Variants in ENO4 observed in about 807,000 individuals in gnomAD.
ENO4 encodes the protein enolase 4, also known as 2-phospho-D-glycerate hydro-lyase.
In ENO4, 53 loss-of-function variants were observed where a neutral mutation model predicts 63.2. The ratio of observed to expected loss-of-function variants is 0.84; its 90% CI spans 0.67 to 1.05. ENO4 has a LOEUF of 1.05. ENO4 is among the 50% of genes least tolerant of loss of function. The pLI, the probability that ENO4 is intolerant of heterozygous loss-of-function variation, is 0.00. For synonymous variants in ENO4, 266 were observed against 283.8 expected (o/e 0.94, Z 0.63); for missense variants, 719 against 772.0 (o/e 0.93, Z 0.81).
Position 116,860,864 on chromosome 10 carries a change from T to C in ENO4, c.705T>C (p.Ser235=). The part of the protein sequence containing the change: ...AEPVEPVLSG[S]MAIGAVSLAV... ...CTGTTGAGCCTGTACTCAGTGGCAG[T>C]ATGGCCATAGGGGCCGTGTCACTAG... The change falls in exon 5 of 14, where the codon AGT becomes AGC. Residue 235 remains serine, a synonymous_variant. Coordinates refer to ENST00000341276, the MANE Select transcript of ENO4 (RefSeq NM_001242699.2). 6.5e-7 allele frequency: 1 copy of C among 1,549,528 alleles called. No individual in the cohort carries two copies. The highest frequency in any genetic ancestry group is 1.2e-5 in the South Asian group (1 of 83,896).
At chr10:116,905,160 C>T (rs1248353335) in intron 10 of ENO4, among the ~76,000 whole-genome samples, 3 of 150,002 alleles carry the variant, frequency 2.0e-5, no homozygotes, top group Non-Finnish European at 3.0e-5. Context: ...CGAGATTGCG[C>T]CACTGCAGTC....
At chr10:116,871,451 T>A (rs918119791) in intron 9 of ENO4, among the ~76,000 whole-genome samples, 159 bp downstream of exon 9, 2 of 152,210 alleles carry the variant, frequency 1.3e-5, no homozygotes, top group Non-Finnish European at 2.9e-5. Flanking sequence ...GAAAACCAAA[T>A]TAGCTAATGA....
chr10:116,885,356 T>G (rs1031329057), downstream of ENO4: 2 of 149,708 alleles, frequency 1.3e-5, no homozygotes, highest in Non-Finnish European at 3.0e-5. Flanking sequence ...GCTGCATAAG[T>G]TTTTTTTTTA....
downstream of ENO4, chr10:116,884,085 C>A: frequency 5.3e-6 from 2 of 374,316 alleles, no homozygotes; most frequent in African/African-American, 2.1e-5. Context: ...CAGAAGGAAG[C>A]ATAAATAACC....
At position 116,852,044 on chromosome 10, in the gene ENO4, GTAAT is replaced by G. The variant is rs371208981; in HGVS notation, c.165+2317_165+2320del. On this transcript the variant is annotated intron_variant, in intron 1 of 13. Coordinates refer to ENST00000341276, the MANE Select transcript of ENO4 (RefSeq NM_001242699.2). ...CATGTGGGGAGGGACCGGGTGGGAGGTAATTAAATTATGGGGGTGGTTACTCTCA... is the reference window on the plus strand; with the variant it reads ...CATGTGGGGAGGGACCGGGTGGGAGGTAAATTATGGGGGTGGTTACTCTCA... Among the ~76,000 whole-genome samples the G allele has an allele frequency of 8.7e-4, 132 of 152,216 alleles. 9 individuals are homozygous for G. Among genetic ancestry groups the G allele is most frequent in the South Asian group, 4.2e-3 (20 of 4,816 alleles).
intron 10 of ENO4, among the ~76,000 whole-genome samples, chr10:116,875,568 C>T (rs1490362042): frequency 6.6e-6 from 1 of 151,522 alleles, no homozygotes; most frequent in Non-Finnish European, 1.5e-5. Flanking sequence ...TGGTCACACA[C>T]ACACACACAC....
rs1846256323 is a variant in ENO4 at position 116,856,318 on chromosome 10, C to T, written c.295-174C>T. Among the ~76,000 whole-genome samples the T allele has an allele frequency of 2.0e-5, 3 of 152,106 alleles. No individual in the cohort carries two copies. The South Asian group carries it at 6.2e-4, about 31-fold the overall frequency. ...AGGGTATTTTAAGTGTTCTATGAAG[C>T]TGAGTTCCATAGTGTTTCAACAGCT... is the stretch of plus-strand genomic sequence containing the variant. On this transcript the variant is annotated intron_variant, in intron 2 of 13. Coordinates refer to ENST00000341276, the MANE Select transcript of ENO4 (RefSeq NM_001242699.2).
downstream of ENO4, chr10:116,886,439 GA>G (rs1460109843): frequency 2.5e-6 from 4 of 1,611,652 alleles, no homozygotes; most frequent in African/African-American, 5.3e-5. Flanking sequence ...TGTTGAGTTG[GA>G]TCTTTTTCAG....
intron 10 of ENO4, among the ~76,000 whole-genome samples, chr10:116,896,901 G>C (rs566269573): frequency 1.6e-4 from 25 of 151,936 alleles, no homozygotes; most frequent in African/African-American, 5.8e-4. Context: ...CCACCTCCTG[G>C]GTTCAAGCAA....
intron 10 of ENO4, among the ~76,000 whole-genome samples, chr10:116,894,727 T>C (rs554172113): frequency 2.6e-5 from 4 of 152,304 alleles, no homozygotes; most frequent in Middle Eastern, 3.4e-3. Context: ...CCTTGTCTAA[T>C]TGCAACTGTT....
Position 116,856,622 on chromosome 10 carries a change from TCACG to T in ENO4, c.430_433del (p.His144SerfsTer94), listed in dbSNP as rs1370571578. ...GCCGTGCAGTGGGTCAACAGCACCA[TCACG>T]CACGAGCTCCAGGGGATGGCACCCT... On this transcript the variant is annotated frameshift_variant, in exon 3 of 14. Coordinates refer to ENST00000341276, the MANE Select transcript of ENO4 (RefSeq NM_001242699.2). LOFTEE classifies it high-confidence loss of function. The T allele has an allele frequency of 1.3e-6, 2 of 1,536,002 alleles. No individual in the cohort carries two copies. The highest frequency in any genetic ancestry group is 1.7e-6 in the Non-Finnish European group (2 of 1,146,920).
At chr10:116,906,783 T>C in intron 10 of ENO4, 4 of 1,567,792 alleles carry the variant, frequency 2.6e-6, no homozygotes, top group Non-Finnish European at 3.5e-6. Flanking sequence ...AAAAGGTTAA[T>C]GTCTTAATAC....
intron 10 of ENO4, among the ~76,000 whole-genome samples, chr10:116,875,363 T>C (rs879458404): frequency 2.2e-4 from 34 of 152,044 alleles, no homozygotes; most frequent in Non-Finnish European, 1.5e-4. Flanking sequence ...TCATACTTTT[T>C]AAGACAGGGT....
intron 7 of ENO4, among the ~76,000 whole-genome samples, chr10:116,868,120 C>T (rs1482666371): frequency 6.6e-6 from 1 of 152,190 alleles, no homozygotes; most frequent in Non-Finnish European, 1.5e-5. Context: ...ACTACACCCA[C>T]CAGATTCACC....
chr10:116,898,694 T>C (rs1383681188), intron 10 of ENO4, among the ~76,000 whole-genome samples: 1 of 152,190 alleles, frequency 6.6e-6, no homozygotes, highest in Non-Finnish European at 1.5e-5. Context: ...AAATTAGGCT[T>C]TCCCAAGCCC....
chr10:116,908,000 T>A, intron 10 of ENO4: 6 of 466,366 alleles, frequency 1.3e-5, no homozygotes, highest in Admixed American at 7.0e-5. Context: ...TTCTTTAGCA[T>A]GTAAAACAAA....
intron 10 of ENO4, among the ~76,000 whole-genome samples, chr10:116,896,531 C>T (rs1418420063): frequency 6.6e-6 from 1 of 152,232 alleles, no homozygotes; most frequent in South Asian, 2.1e-4. Flanking sequence ...TAAAAAAATA[C>T]ATACATCTGC....
At chr10:116,858,273 A>G (rs1413357614) in intron 3 of ENO4, among the ~76,000 whole-genome samples, 2 of 152,180 alleles carry the variant, frequency 1.3e-5, no homozygotes, top group African/African-American at 4.8e-5. Context: ...TATGGGATGT[A>G]AAGTTTCTTA....
At chr10:116,892,361 C>T (rs141435333) in intron 10 of ENO4, among the ~76,000 whole-genome samples, 6 of 152,192 alleles carry the variant, frequency 3.9e-5, no homozygotes, top group South Asian at 4.1e-4. Context: ...GATTTCAGCT[C>T]GGCCAAAGAT....
Sources: allele counts gnomAD v4.1 joint callset (sites outside exome capture counted in the v4.1 genomes callset), GRCh38; gene constraint gnomAD v4.1.1; transcripts MANE v1.5; gene names NCBI Gene and HGNC (gene_info 2026-07-23, HGNC 2026-07-21).